The following MEGF6 variants were observed in gnomAD, a reference collection of about 807,000 sequenced individuals.
MEGF6 encodes multiple EGF like domains 6.
In MEGF6, 184 loss-of-function variants were observed where a neutral mutation model predicts 207.1. That is an observed-to-expected ratio of 0.89 (90% CI 0.79 to 1.00). The LOEUF (loss-of-function observed/expected upper bound fraction) is 1.00. Among genes scored for constraint, MEGF6 ranks in the 50% least tolerant of loss-of-function variants. The probability of loss-of-function intolerance (pLI) is 0.00; values close to 1 mark genes in which losing one functional copy is unlikely to be tolerated. For synonymous variants in MEGF6, 1,038 were observed against 910.0 expected, an observed-to-expected ratio of 1.14 and a Z score of -2.53; for missense variants, 2,282 against 2,202.9, an observed-to-expected ratio of 1.04 and a Z score of -0.72.
the MEGF6 span, among the ~76,000 whole-genome samples, chr1:3,620,918 G>A: frequency 6.6e-6 from 1 of 152,204 alleles, no homozygotes; most frequent in Admixed American, 6.5e-5. Flanking sequence ...ACTGGACAGG[G>A]GGCCCTTCCC....
At chr1:3,536,323 C>T (rs1430230473) in intron 4 of MEGF6, among the ~76,000 whole-genome samples, 1 of 151,746 alleles carries the variant, frequency 6.6e-6, no homozygotes, top group Non-Finnish European at 1.5e-5. Flanking sequence ...CCACCACAGG[C>T]AGGACATGGC....
chr1:3,507,701 G>T, intron 14 of MEGF6, 94 bp downstream of exon 14: 1 of 1,525,330 alleles, frequency 6.6e-7, no homozygotes, highest in Non-Finnish European at 9.1e-7. Context: ...TCCAGTGGGA[G>T]GAAGGAGACA....
chr1:3,553,080 C>T (rs1642933317), intron 4 of MEGF6, among the ~76,000 whole-genome samples: 1 of 152,164 alleles, frequency 6.6e-6, no homozygotes, highest in Non-Finnish European at 1.5e-5. Flanking sequence ...AACGCACAGC[C>T]CTGTTCTGAG....
At chr1:3,567,188 G>A (rs1467407456) in intron 4 of MEGF6, among the ~76,000 whole-genome samples, 3 of 152,148 alleles carry the variant, frequency 2.0e-5, no homozygotes, top group Non-Finnish European at 4.4e-5. Context: ...AGCAGGAGCC[G>A]GGCCACACGG....
At position 3,493,986 on chromosome 1, in the gene MEGF6, A is replaced by C. The variant is rs1286613106; in HGVS notation, c.4258+10T>G. 2 of 1,594,960 alleles carry C rather than the reference A, an allele frequency of 1.3e-6. No individual in the cohort carries two copies. The highest frequency in any genetic ancestry group is 2.3e-5 in the South Asian group (2 of 88,736). On this transcript the variant is annotated intron_variant, in intron 33 of 36. Transcript: ENST00000356575. ...GGGAGCGGGGGTTCAGGGAGGCACC[A>C]AGCACTCACCCCTCTCACAGAAGTG...
chr1:3,497,099 C>T lies in MEGF6; in HGVS notation c.3502G>A (p.Gly1168Arg). Residue 1168 changes from glycine (G) to arginine (R), a missense_variant, in exon 28 of 37, where the codon GGG (glycine) becomes AGG (arginine). Transcript: ENST00000356575. ...TGGCACATCTGCGCACAGTCCTCCC[C>T]AAAGCTGCCGGGTGGGCAGGCTGGG... ...CEQACPPGSF[G>R]EDCAQMCQCP... 6.4e-7 allele frequency: 1 copy of T among 1,572,524 alleles called. No individual in the cohort carries two copies. The highest frequency in any genetic ancestry group is 1.2e-5 in the South Asian group (1 of 86,588).
In MEGF6 at chr1:3,560,835, C is replaced by T. The variant is rs1013182152; in HGVS notation, c.481+18990G>A. On this transcript the variant is annotated intron_variant, in intron 4 of 36. Coordinates refer to ENST00000356575, the MANE Select transcript of MEGF6 (RefSeq NM_001409.4). This position sits in a 1 kb window ranked among gnomAD's most constrained non-coding sequence, Gnocchi z 4.0. ...GCCAGGAACAGCCTCAGGCGTCGGC[C>T]GCGAGGGGGTTGCTGGGCTGGCTGG... The T allele has an allele frequency of 9.6e-5, 43 of 448,266 alleles. No homozygotes were observed. The highest frequency in any genetic ancestry group is 3.5e-4 in the Admixed American group (14 of 39,822). 27.8% of individuals were successfully genotyped at this position (448,266 alleles called of 1,614,324 possible).
Position 3,608,690 on chromosome 1 carries a change from G to A in MEGF6, c.131+2448C>T, listed in dbSNP as rs548019261. ...CACCTCTCAGGGTCTCCAAAATGTG[G>A]AGCTTCCAACCATGGCTGGTCCGAG... On this transcript the variant is annotated intron_variant, in intron 1 of 36. Coordinates refer to ENST00000356575, the MANE Select transcript of MEGF6 (RefSeq NM_001409.4). 4.6e-5 allele frequency among the ~76,000 whole-genome samples: 7 copies of A among 152,292 alleles called. No homozygotes were observed. In the South Asian group the frequency reaches 1.0e-3, roughly 23 times the overall value.
intron 7 of MEGF6, 86 bp downstream of exon 7, chr1:3,514,464 C>T: frequency 1.4e-6 from 2 of 1,461,804 alleles, no homozygotes; most frequent in Non-Finnish European, 1.8e-6. Flanking sequence ...GAGGCCACGG[C>T]CCCAGAGTTA....
intron 5 of MEGF6, among the ~76,000 whole-genome samples, chr1:3,522,059 G>T (rs538284735): frequency 1.3e-5 from 2 of 152,330 alleles, no homozygotes; most frequent in African/African-American, 4.8e-5. Flanking sequence ...TTCCCAGGGG[G>T]TGAAACCCCC....
At chr1:3,491,329 C>G (rs1271924664) in intron 35 of MEGF6, among the ~76,000 whole-genome samples, 1 of 152,144 alleles carries the variant, frequency 6.6e-6, no homozygotes, top group Non-Finnish European at 1.5e-5. Flanking sequence ...TGTCAAGGCA[C>G]TGCCCCCGGC....
chr1:3,547,731 G>C (rs1642760934), intron 4 of MEGF6, among the ~76,000 whole-genome samples: 2 of 152,194 alleles, frequency 1.3e-5, no homozygotes, highest in South Asian at 4.1e-4. Flanking sequence ...CCAGGACCCA[G>C]AGCCCATGCC....
chr1:3,534,474 C>G (rs752166950), intron 4 of MEGF6, among the ~76,000 whole-genome samples: 1 of 152,174 alleles, frequency 6.6e-6, no homozygotes. Context: ...AGGCCCCAGG[C>G]GAGCTGTGGA....
At chr1:3,523,074 CG>C (rs146272853) in intron 5 of MEGF6, among the ~76,000 whole-genome samples, 5,290 of 148,038 alleles carry the variant, frequency 0.036, 300 homozygotes, top group African/African-American at 0.12. Flanking sequence ...GAGTGTGTGC[CG>C]GGGGGGGGGC....
chr1:3,494,279 C>T (rs1640504117), intron 32 of MEGF6, 92 bp downstream of exon 32: 4 of 1,473,514 alleles, frequency 2.7e-6, no homozygotes, highest in Non-Finnish European at 3.6e-6. Context: ...CCCACCTCCC[C>T]ACCACTTCAC....
intron 4 of MEGF6, chr1:3,531,332 G>C (rs1001813083): frequency 8.2e-7 from 1 of 1,223,468 alleles, no homozygotes; most frequent in Non-Finnish European, 1.0e-6. Context: ...CAGGCGGCTC[G>C]GGCTGGTTCT....
chr1:3,496,864 G>A (rs1640627861), intron 28 of MEGF6, 81 bp from the exon 29 acceptor site: 1 of 1,521,268 alleles, frequency 6.6e-7, no homozygotes, highest in Non-Finnish European at 8.9e-7. Flanking sequence ...CAGCTCTCAT[G>A]AGACCCCCAC....
At position 3,495,867 on chromosome 1, in the gene MEGF6, T is replaced by C. The variant is rs567252909; in HGVS notation, c.3871+23A>G. On this transcript the variant is annotated intron_variant, in intron 30 of 36. Coordinates refer to ENST00000356575, the MANE Select transcript of MEGF6 (RefSeq NM_001409.4). Reference sequence around the variant, plus strand: ...CATCTCTGTGAAGGGCCTGTGAGCATGCCCTCTGGAGTGAACACTCACCTC... The same window carrying C: ...CATCTCTGTGAAGGGCCTGTGAGCACGCCCTCTGGAGTGAACACTCACCTC... 10 of 1,595,824 alleles carry C rather than the reference T, an allele frequency of 6.3e-6. 1 individual carries two copies. In the Middle Eastern group the frequency reaches 1.3e-3, roughly 211 times the overall value.
Position 3,565,439 on chromosome 1 carries a change from C to T in MEGF6, c.481+14386G>A, listed in dbSNP as rs570509499. On this transcript the variant is annotated intron_variant, in intron 4 of 36. Transcript: ENST00000356575. This position sits in a 1 kb window ranked among gnomAD's most constrained non-coding sequence, Gnocchi z 4.8. ...GGGTGCCAGCGCCCCACCCTGAGCACGCGGCAAGAAGGGAGGTGGGGACCC... is the reference window on the plus strand; with the variant it reads ...GGGTGCCAGCGCCCCACCCTGAGCATGCGGCAAGAAGGGAGGTGGGGACCC... 1.6e-4 allele frequency among the ~76,000 whole-genome samples: 24 copies of T among 152,188 alleles called. No individual in the cohort carries two copies. The highest frequency in any genetic ancestry group is 1.4e-3 in the South Asian group (7 of 4,834).
Sources: allele counts gnomAD v4.1 joint callset (sites outside exome capture counted in the v4.1 genomes callset), GRCh38; gene constraint gnomAD v4.1.1; non-coding constraint Gnocchi (gnomAD v3.1); transcripts MANE v1.5; gene names NCBI Gene and HGNC (gene_info 2026-07-23, HGNC 2026-07-21).